Variants in AKAP7 observed in about 807,000 individuals in gnomAD.
AKAP7 encodes the protein A kinase (PRKA) anchor protein 7.
AKAP7 carries 39 observed loss-of-function variants against 39.5 expected under a neutral mutation model. That is an observed-to-expected ratio of 0.99 (90% CI 0.76 to 1.29). The LOEUF is 1.29. AKAP7 is among the 50% of genes most tolerant of loss of function. AKAP7 has a pLI of 0.00. For missense variants in AKAP7, 414 were observed against 407.7 expected, an observed-to-expected ratio of 1.02 and a Z score of -0.13; for synonymous variants, 140 against 139.1, an observed-to-expected ratio of 1.01 and a Z score of -0.05.
chr6:131,176,286 T>TG (rs1244084136), intron 5 of AKAP7, among the ~76,000 whole-genome samples: 2 of 135,532 alleles, frequency 1.5e-5, no homozygotes, highest in Non-Finnish European at 3.1e-5. Flanking sequence ...ATCCTGTGTG[T>TG]TTTTTTTTTT....
rs188564781 is a variant in AKAP7, at chr6:131,224,400, G to A, written c.850+4592G>A. 1.6e-3 allele frequency among the ~76,000 whole-genome samples: 247 copies of A among 152,128 alleles called. 1 individual carries two copies. The highest frequency in any genetic ancestry group is 5.8e-3 in the African/African-American group (241 of 41,508). ...TTGAGGCTTGAGCCAACATTTTATG[G>A]TATACATTAATACCGTGGGACAGAT... On this transcript the variant is annotated intron_variant, in intron 7 of 7. Transcript: ENST00000431975.
At chr6:131,263,611 A>T (rs1182530802) in intron 7 of AKAP7, among the ~76,000 whole-genome samples, 3 of 152,178 alleles carry the variant, frequency 2.0e-5, no homozygotes, top group African/African-American at 7.2e-5. Context: ...AAGTGTCTTA[A>T]GGAAGGGTCA....
At chr6:131,181,822 A>T (rs1043417704) in intron 5 of AKAP7, among the ~76,000 whole-genome samples, 2 of 152,038 alleles carry the variant, frequency 1.3e-5, no homozygotes, top group African/African-American at 2.4e-5. Flanking sequence ...ACAGCCACTG[A>T]TCTTTTTTAT....
intron 7 of AKAP7, among the ~76,000 whole-genome samples, chr6:131,221,950 G>A (rs1809735527): frequency 6.6e-6 from 1 of 152,194 alleles, no homozygotes; most frequent in Admixed American, 6.5e-5. Flanking sequence ...GGATCAAGGA[G>A]TAATTTAGAC....
chr6:131,213,727 T>C (rs959266660), intron 6 of AKAP7, among the ~76,000 whole-genome samples: 4 of 152,158 alleles, frequency 2.6e-5, no homozygotes, highest in Non-Finnish European at 4.4e-5. Flanking sequence ...CAAACAGTTA[T>C]GTGGCCAAAC....
intron 7 of AKAP7, chr6:131,241,895 A>G: frequency 3.7e-6 from 1 of 269,198 alleles, no homozygotes; most frequent in Non-Finnish European, 5.7e-6. Context: ...AGTAGCCTAA[A>G]AATGTCTCTG....
At chr6:131,173,547 A>C (rs1804286895) in intron 5 of AKAP7, among the ~76,000 whole-genome samples, 4 of 152,188 alleles carry the variant, frequency 2.6e-5, no homozygotes, top group Admixed American at 2.6e-4. Flanking sequence ...GGGTGAAGCA[A>C]AACATGTAAG....
chr6:131,134,789 G>A (rs748917630), upstream of AKAP7, among the ~76,000 whole-genome samples: 1 of 152,168 alleles, frequency 6.6e-6, no homozygotes, highest in Non-Finnish European at 1.5e-5. Flanking sequence ...CAACATAAGC[G>A]AAGTGTTATT....
rs139537236 is a variant in AKAP7 at position 131,275,829 on chromosome 6, C to T, written c.851-5701C>T. Among the ~76,000 whole-genome samples, 169 of 152,308 alleles carry T rather than the reference C, an allele frequency of 1.1e-3. 1 individual carries two copies. The highest frequency in any genetic ancestry group is 3.8e-3 in the African/African-American group (157 of 41,564). ...GAAAGAAATGAAGATTCCAAATGCG[C>T]CAGCACTTGCTGTGTTTACAAAAGG... On this transcript the variant is annotated intron_variant, in intron 7 of 7. Coordinates refer to ENST00000431975, the MANE Select transcript of AKAP7 (RefSeq NM_016377.4).
intron 7 of AKAP7, among the ~76,000 whole-genome samples, chr6:131,264,145 G>A (rs995261172): frequency 6.6e-6 from 1 of 152,198 alleles, no homozygotes; most frequent in Non-Finnish European, 1.5e-5. Flanking sequence ...GCAGCCCTGT[G>A]ACTGAAAGTA....
At chr6:131,188,529 TTTG>T (rs138766439) in intron 5 of AKAP7, among the ~76,000 whole-genome samples, 2,011 of 152,076 alleles carry the variant, frequency 0.013, 40 homozygotes, top group African/African-American at 0.046. Flanking sequence ...ACACATTAGT[TTTG>T]TTGTTGTTGT....
chr6:131,170,422 G>A (rs1221485385), intron 5 of AKAP7, among the ~76,000 whole-genome samples: 1 of 151,944 alleles, frequency 6.6e-6, no homozygotes, highest in East Asian at 1.9e-4. Context: ...CTAGTGCTTT[G>A]GTAGTAATCT....
Position 131,135,565 on chromosome 6 carries a change from GC to G in AKAP7, c.-198del. 3.8e-6 allele frequency: 1 copy of G among 260,848 alleles called. No individual in the cohort carries two copies. The highest frequency in any genetic ancestry group is 1.3e-4 in the South Asian group (1 of 7,618). The allele number at this position is 260,848 out of a possible 1,614,324, so 16.2% of individuals were successfully genotyped here. A position where few individuals can be genotyped will look rare whatever the true frequency, so the allele number is the denominator to read the frequency against. ...TGCCGCGGGGGCTGCGGCTTGGGAAGCTCCGCGCTTCCGCAGGCCTGGCCTC... is the reference window on the plus strand; with the variant it reads ...TGCCGCGGGGGCTGCGGCTTGGGAAGTCCGCGCTTCCGCAGGCCTGGCCTC... On this transcript the variant is annotated 5_prime_UTR_variant, in exon 1 of 8. Transcript: ENST00000431975.
At chr6:131,172,962 C>T (rs764146436) in intron 5 of AKAP7, among the ~76,000 whole-genome samples, 23 of 151,936 alleles carry the variant, frequency 1.5e-4, no homozygotes, top group East Asian at 1.2e-3. Flanking sequence ...TTTGGGAGGC[C>T]GAGGTGGGCA....
intron 5 of AKAP7, among the ~76,000 whole-genome samples, chr6:131,183,754 C>T (rs1308473169): frequency 6.6e-6 from 1 of 152,074 alleles, no homozygotes; most frequent in Admixed American, 6.5e-5. Flanking sequence ...CGAGAACATC[C>T]TGACTCCAGC....
chr6:131,153,698 C>T lies in AKAP7; in HGVS notation c.152-6361C>T, dbSNP rs1267824517. ...TTTGAAATACTGTGTTAATTCTGTC[C>T]CCCTTTTTAGTATTGTTCATATTGG... is the stretch of plus-strand genomic sequence containing the variant. On this transcript the variant is annotated intron_variant, in intron 2 of 7. Coordinates refer to ENST00000431975, the MANE Select transcript of AKAP7 (RefSeq NM_016377.4). Among the ~76,000 whole-genome samples the T allele has an allele frequency of 2.0e-5, 3 of 151,890 alleles. No homozygotes were observed. In the East Asian group the frequency reaches 5.8e-4, roughly 29 times the overall value.
At chr6:131,173,711 A>C (rs1489499839) in intron 5 of AKAP7, among the ~76,000 whole-genome samples, 1 of 152,222 alleles carries the variant, frequency 6.6e-6, no homozygotes, top group Non-Finnish European at 1.5e-5. Context: ...ATCATTTGGG[A>C]CTGATAGTCC....
At chr6:131,216,029 A>G (rs1809141496) in intron 6 of AKAP7, among the ~76,000 whole-genome samples, 1 of 152,230 alleles carries the variant, frequency 6.6e-6, no homozygotes, top group Admixed American at 6.5e-5. Context: ...TTTGTCTTAT[A>G]TGAAGCCTGT....
chr6:131,156,606 C>T (rs947077380), intron 2 of AKAP7, among the ~76,000 whole-genome samples: 1 of 152,040 alleles, frequency 6.6e-6, no homozygotes, highest in African/African-American at 2.4e-5. Context: ...CATCACTGCA[C>T]TCCAGCCTGG....
Sources: gnomAD v4.1 joint callset for allele counts (sites outside exome capture counted in the v4.1 genomes callset) on GRCh38, gnomAD v4.1.1 for gene constraint, MANE v1.5 for transcripts, NCBI Gene and HGNC (gene_info 2026-07-23, HGNC 2026-07-21) for gene names.